Variants in HOGA1 observed in about 807,000 individuals in gnomAD.
HOGA1 encodes the protein 4-hydroxy-2-oxoglutarate aldolase 1, also known as 4-hydroxy-2-oxoglutarate aldolase, mitochondrial.
HOGA1 carries 30 observed loss-of-function variants against 34.3 expected under a neutral mutation model. That is an observed-to-expected ratio of 0.87 (90% confidence interval 0.65 to 1.19). HOGA1 has a LOEUF of 1.19. Among genes scored for constraint, HOGA1 ranks in the 50% most tolerant of loss-of-function variants. The pLI is 0.00. For missense variants in HOGA1, 417 were observed against 436.5 expected (o/e 0.96, Z 0.40); for synonymous variants, 161 against 174.0 (o/e 0.93, Z 0.59).
Position 97,612,019 on chromosome 10 carries a change from CT to C in HOGA1, c.*375del, listed in dbSNP as rs869302447. The stretch of plus-strand genomic sequence containing the variant: ...AGGCACAGTAAGGGAATTTTCTTTT[CT>C]TTTTTTTTTTTTTTGAGACAGAGTT... On this transcript the variant is annotated 3_prime_UTR_variant, in exon 7 of 7. Transcript: ENST00000370646. The C allele has an allele frequency of 0.02, 3,161 of 155,492 alleles. No individual in the cohort carries two copies. The highest frequency in any genetic ancestry group is 0.057 in the South Asian group (406 of 7,092). 9.6% of individuals were successfully genotyped at this position (155,492 alleles called of 1,614,324 possible).
intron 5 of HOGA1, chr10:97,600,431 C>T (rs2041107432): frequency 3.7e-6 from 2 of 538,660 alleles, no homozygotes; most frequent in South Asian, 4.1e-5. Context: ...GAGTCCTGAG[C>T]TCCATGATTA....
intron 1 of HOGA1, chr10:97,590,243 G>T (rs368370225): frequency 1.3e-4 from 204 of 1,613,672 alleles, no homozygotes; most frequent in Non-Finnish European, 1.6e-4. Flanking sequence ...GTCTGGAAAA[G>T]CCCCATCCAC....
Position 97,584,811 on chromosome 10 carries a change from G to A in HOGA1, c.108G>A (p.Ala36=), listed in dbSNP as rs747795341. Residue 36 remains alanine (A), a synonymous_variant, in exon 1 of 7, where the codon GCG becomes GCA. Coordinates refer to ENST00000370646, the MANE Select transcript of HOGA1 (RefSeq NM_138413.4). The part of the protein sequence containing the change: ...ASGEGKKVDI[A]GIYPPVTTPF... Reference sequence around the variant, plus strand: ...GGGAGGGGAAGAAGGTGGACATTGCGGGTATCTACCCCCCTGTGACCACCC... The same window carrying A: ...GGGAGGGGAAGAAGGTGGACATTGCAGGTATCTACCCCCCTGTGACCACCC... 17 of 1,613,926 alleles carry A rather than the reference G, an allele frequency of 1.1e-5. No individual in the cohort carries two copies. In the East Asian group the frequency reaches 1.6e-4, roughly 15 times the overall value.
At chr10:97,609,616 C>T (rs1000186778) in intron 6 of HOGA1, among the ~76,000 whole-genome samples, 1 of 152,130 alleles carries the variant, frequency 6.6e-6, no homozygotes, top group Non-Finnish European at 1.5e-5. Flanking sequence ...GTCCTTCCTC[C>T]ACCTTCCCAC....
In HOGA1 at chr10:97,601,991, G is replaced by T. The variant is rs749315029; in HGVS notation, c.834+1G>T. The T allele has an allele frequency of 1.5e-5, 24 of 1,611,336 alleles. No individual in the cohort carries two copies. The East Asian group carries it at 3.6e-4, about 24-fold the overall frequency. On this transcript the variant is annotated splice_donor_variant, in intron 6 of 6. Transcript: ENST00000370646. LOFTEE classifies it high-confidence loss of function. ...CCGCCTCATTGAGCCAAACGCTGCG[G>T]TGAGCCAGTGGCAGCGGGGGCGCGG... is the stretch of plus-strand genomic sequence containing the variant.
intron 6 of HOGA1, among the ~76,000 whole-genome samples, chr10:97,608,197 A>G (rs996397035): frequency 5.9e-5 from 9 of 152,162 alleles, no homozygotes; most frequent in Non-Finnish European, 1.3e-4. Context: ...CTCTAGCCCC[A>G]GCTACTCAGA....
In HOGA1 at chr10:97,598,884, A is replaced by G. The variant is rs748257062; in HGVS notation, c.321A>G (p.Leu107=). ...CCATGCCCAAGAACAGGCTCCTGCT[A>G]GCTGGCTCCGGATGCGAGTGTGAGC... ...RQAMPKNRLL[L]AGSGCESTQA... The change falls in exon 2 of 7, where the codon CTA becomes CTG. Residue 107 remains leucine, a synonymous_variant. Transcript: ENST00000370646. The G allele has an allele frequency of 4.3e-6, 7 of 1,614,108 alleles. No homozygotes were observed. Among genetic ancestry groups the G allele is most frequent in the Non-Finnish European group, 5.9e-6 (7 of 1,180,026 alleles).
Position 97,598,853 on chromosome 10 carries a change from G to T in HOGA1, c.290G>T (p.Arg97Leu), listed in dbSNP as rs752252343. The change falls in exon 2 of 7, where the codon CGC (arginine) becomes CTC (leucine). Residue 97 changes from arginine to leucine, a missense_variant. By Grantham distance (102) the Arg-to-Leu change is moderately radical. Transcript: ENST00000370646. ...SERLEVVSRV[R>L]QAMPKNRLLL... ...CGCCTCGAGGTGGTGAGCCGTGTGC[G>T]CCAGGCCATGCCCAAGAACAGGCTC... 7 of 1,614,120 alleles carry T rather than the reference G, an allele frequency of 4.3e-6. No homozygotes were observed. Among genetic ancestry groups the T allele is most frequent in the Non-Finnish European group, 5.9e-6 (7 of 1,180,028 alleles).
chr10:97,588,676 G>C (rs1228774400), intron 1 of HOGA1, among the ~76,000 whole-genome samples: 1 of 152,162 alleles, frequency 6.6e-6, no homozygotes, highest in Non-Finnish European at 1.5e-5. Context: ...AGCAGGACTG[G>C]GAAGATGAGG....
At chr10:97,602,847 A>ATTTTTG (rs1297923551) in intron 6 of HOGA1, among the ~76,000 whole-genome samples, 2 of 151,940 alleles carry the variant, frequency 1.3e-5, no homozygotes, top group African/African-American at 2.4e-5. Context: ...TGCCCAGCTA[A>ATTTTTG]TTTTTGTTTT....
chr10:97,588,828 A>C (rs1040319691), intron 1 of HOGA1, among the ~76,000 whole-genome samples: 6 of 152,300 alleles, frequency 3.9e-5, no homozygotes, highest in Non-Finnish European at 8.8e-5. Context: ...AATGTTTACA[A>C]CCCCATTTTG....
chr10:97,595,603 G>C (rs1025459652), intron 1 of HOGA1, among the ~76,000 whole-genome samples: 4 of 152,214 alleles, frequency 2.6e-5, no homozygotes, highest in African/African-American at 9.7e-5. Context: ...GCTGAGGCAG[G>C]ATAATTGCTT....
At chr10:97,590,611 G>T (rs571122786) in intron 1 of HOGA1, 2 of 1,578,196 alleles carry the variant, frequency 1.3e-6, no homozygotes, top group African/African-American at 1.3e-5. Context: ...GGATGGAGAC[G>T]CCCCTGCCCC....
chr10:97,594,608 G>A (rs528576697), intron 1 of HOGA1, among the ~76,000 whole-genome samples: 21 of 152,124 alleles, frequency 1.4e-4, no homozygotes, highest in East Asian at 5.8e-4. Flanking sequence ...CCGCCTCGGC[G>A]TCCCAAAGTG....
intron 1 of HOGA1, among the ~76,000 whole-genome samples, chr10:97,595,189 A>T (rs1032046653): frequency 1.3e-5 from 2 of 152,182 alleles, no homozygotes; most frequent in East Asian, 3.9e-4. Flanking sequence ...TTTGTCTTAC[A>T]GCTGGAGGGG....
intron 1 of HOGA1, chr10:97,589,936 C>T: frequency 6.2e-7 from 1 of 1,614,000 alleles, no homozygotes; most frequent in Non-Finnish European, 8.5e-7. Context: ...GAAAGGAAAC[C>T]TCTGAGTGTC....
Position 97,595,471 on chromosome 10 carries a change from G to A in HOGA1, c.212-3304G>A, listed in dbSNP as rs542609284. 1.6e-4 allele frequency among the ~76,000 whole-genome samples: 24 copies of A among 152,318 alleles called. No homozygotes were observed. The South Asian group carries it at 3.9e-3, about 25-fold the overall frequency. ...AGCACTTTGGGAGGCCAAGGCAGGCGGATCACCTGAGGCCAGGAGTTCGAG... is the reference window on the plus strand; with the variant it reads ...AGCACTTTGGGAGGCCAAGGCAGGCAGATCACCTGAGGCCAGGAGTTCGAG... On this transcript the variant is annotated intron_variant, in intron 1 of 6. Transcript: ENST00000370646.
chr10:97,593,875 G>T (rs1411175763), intron 1 of HOGA1, among the ~76,000 whole-genome samples: 5 of 148,606 alleles, frequency 3.4e-5, no homozygotes, highest in Non-Finnish European at 7.5e-5. Flanking sequence ...CAGTCAACTT[G>T]TTTTTTTTTT....
intron 1 of HOGA1, among the ~76,000 whole-genome samples, chr10:97,587,936 G>A (rs553398680): frequency 1.3e-5 from 2 of 151,752 alleles, no homozygotes; most frequent in South Asian, 4.2e-4. Context: ...TCAGCCTCCC[G>A]AGTAGCTGGG....
Sources: gnomAD v4.1 joint callset for allele counts (sites outside exome capture counted in the v4.1 genomes callset) on GRCh38, gnomAD v4.1.1 for gene constraint, MANE v1.5 for transcripts, NCBI Gene and HGNC (gene_info 2026-07-23, HGNC 2026-07-21) for gene names.